Variants in ANK2 observed in about 807,000 individuals in gnomAD.
ANK2 encodes the protein ankyrin 2, also known as ankyrin-2.
ANK2 carries 83 observed loss-of-function variants against 360.5 expected under a neutral mutation model. The observed-to-expected ratio is 0.23, with a 90% CI of 0.19 to 0.28. ANK2 has a LOEUF of 0.28. Ranked by LOEUF, ANK2 falls within the 10% of genes least tolerant of loss-of-function variation. ANK2 has a pLI of 1.00. For synonymous variants in ANK2, 1,740 were observed against 1,759.5 expected, an observed-to-expected ratio of 0.99 and a Z score of 0.28; for missense variants, 4,201 against 4,795.7, an observed-to-expected ratio of 0.88 and a Z score of 3.66.
upstream of ANK2, among the ~76,000 whole-genome samples, chr4:112,814,360 G>A (rs1244156346): frequency 2.6e-5 from 4 of 152,140 alleles, no homozygotes; most frequent in Non-Finnish European, 5.9e-5. Context: ...CATCTATATA[G>A]TTTCATTAAA....
At chr4:113,024,377 A>G (rs11935371) in intron 2 of ANK2, among the ~76,000 whole-genome samples, 6,855 of 152,188 alleles carry the variant, frequency 0.045, 473 homozygotes, top group African/African-American at 0.15. Context: ...CCTCATTAAA[A>G]TTTTTCTCTC....
At chr4:113,077,785 C>T (rs769016465) in intron 1 of ANK2, among the ~76,000 whole-genome samples, 1 of 152,216 alleles carries the variant, frequency 6.6e-6, no homozygotes, top group Non-Finnish European at 1.5e-5. Context: ...TCAAAGCCAG[C>T]AGCTGGCCTC....
intron 26 of ANK2, among the ~76,000 whole-genome samples, chr4:113,322,319 C>T (rs1005049583): frequency 1.2e-4 from 18 of 152,180 alleles, no homozygotes; most frequent in Non-Finnish European, 2.5e-4. Context: ...TCAATACACA[C>T]AGCAAATACC....
Position 113,196,661 on chromosome 4 carries a change from G to A in ANK2, c.285+195G>A, listed in dbSNP as rs185228451. ...TCCCAACTCAGCTGCCTGAGTAGCT[G>A]AGACTACAGGCGTGCGCCACCATGC... On this transcript the variant is annotated intron_variant, in intron 3 of 45. Coordinates refer to ENST00000357077, the MANE Select transcript of ANK2 (RefSeq NM_001148.6). Among the ~76,000 whole-genome samples the A allele has an allele frequency of 4.0e-3, 616 of 152,130 alleles. 5 individuals are homozygous for A. Among genetic ancestry groups the A allele is most frequent in the African/African-American group, 0.014 (573 of 41,512 alleles).
chr4:113,372,116 A>C (rs2096759441), intron 43 of ANK2, among the ~76,000 whole-genome samples: 1 of 152,330 alleles, frequency 6.6e-6, no homozygotes, highest in East Asian at 1.9e-4. Context: ...GGATATTCCT[A>C]TACCTTTGGG....
At chr4:113,214,984 A>G (rs1348166108) in intron 4 of ANK2, among the ~76,000 whole-genome samples, 3 of 152,182 alleles carry the variant, frequency 2.0e-5, no homozygotes, top group African/African-American at 4.8e-5. Flanking sequence ...ACTCTCCTGT[A>G]TGTTGTCTGA....
chr4:112,731,105 C>A, the ANK2 span, among the ~76,000 whole-genome samples: 1 of 151,410 alleles, frequency 6.6e-6, no homozygotes, highest in African/African-American at 2.4e-5. Flanking sequence ...TACACCACTG[C>A]ACTCCAGTCT....
intron 1 of ANK2, among the ~76,000 whole-genome samples, chr4:113,169,451 A>G (rs962757982): frequency 1.3e-5 from 2 of 152,234 alleles, no homozygotes; most frequent in African/African-American, 4.8e-5. Flanking sequence ...CAGAGTAGCC[A>G]GGTAAATGAC....
At chr4:113,119,327 G>A (rs530389723) in intron 1 of ANK2, among the ~76,000 whole-genome samples, 1 of 152,166 alleles carries the variant, frequency 6.6e-6, no homozygotes, top group Admixed American at 6.5e-5. Flanking sequence ...TGCTAAAAGA[G>A]TGGGTGTGCT....
intron 2 of ANK2, among the ~76,000 whole-genome samples, chr4:113,185,720 C>T (rs187727240): frequency 1.3e-5 from 2 of 152,224 alleles, no homozygotes; most frequent in Admixed American, 1.3e-4. Flanking sequence ...TTAATTAGAT[C>T]CCATTTGTCA....
chr4:112,712,664 C>T, the ANK2 span, among the ~76,000 whole-genome samples: 1 of 151,882 alleles, frequency 6.6e-6, no homozygotes, highest in African/African-American at 2.4e-5. Flanking sequence ...ACCTTGGCCT[C>T]CCAAAGTGCT....
intron 4 of ANK2, among the ~76,000 whole-genome samples, chr4:113,220,074 G>A (rs999004810): frequency 1.3e-5 from 2 of 152,144 alleles, no homozygotes; most frequent in African/African-American, 4.8e-5. Context: ...TTTCTACAGT[G>A]CCAGTTTATC....
chr4:113,355,134 T>G lies in ANK2; in HGVS notation c.6516T>G (p.Ser2172Arg), dbSNP rs1588946738. 1 of 1,614,104 alleles carries G rather than the reference T, an allele frequency of 6.2e-7. No homozygotes were observed. The highest frequency in any genetic ancestry group is 8.5e-7 in the Non-Finnish European group (1 of 1,179,986). ...AQLHLDQVLT[S>R]PFNTTFPLDY... Reference sequence around the variant, plus strand: ...TTCACTTAGACCAAGTACTCACTAGTCCTTTCAACACAACATTTCCACTCG... The same window carrying G: ...TTCACTTAGACCAAGTACTCACTAGGCCTTTCAACACAACATTTCCACTCG... Residue 2172 changes from serine to arginine, a missense_variant, in exon 38 of 46, where the codon AGT (serine) becomes AGG (arginine). This residue lies in a region of ANK2 where 2,642 missense variants were observed against 2,714.5 expected (regional missense o/e 0.97). Coordinates refer to ENST00000357077, the MANE Select transcript of ANK2 (RefSeq NM_001148.6).
intron 1 of ANK2, among the ~76,000 whole-genome samples, chr4:113,149,887 A>AAAAAG (rs2096980682): frequency 1.3e-5 from 2 of 149,750 alleles, no homozygotes; most frequent in Non-Finnish European, 3.0e-5. Flanking sequence ...AAAAAAAAAA[A>AAAAAG]AAAAAAAAAA....
intron 1 of ANK2, among the ~76,000 whole-genome samples, chr4:112,901,678 T>C (rs2083415102): frequency 6.6e-6 from 1 of 151,814 alleles, no homozygotes; most frequent in Non-Finnish European, 1.5e-5. Context: ...CTGACCAACA[T>C]GGTGAAACCC....
intron 2 of ANK2, among the ~76,000 whole-genome samples, chr4:113,038,377 A>G (rs1039100415): frequency 5.9e-5 from 9 of 151,986 alleles, no homozygotes; most frequent in African/African-American, 2.2e-4. Flanking sequence ...ATTCATTGAT[A>G]ACTGTTTTTT....
In ANK2 at chr4:112,851,598, C is replaced by G. The variant is rs540476430; in HGVS notation, c.-40+33334C>G. On this transcript the variant is annotated intron_variant, in intron 1 of 30. Coordinates refer to the ANK2 transcript ENST00000503271. ...CACCTTCCCTCATGTGCCATAGAGT[C>G]GAATATTAAAGTACAATTACTTTTC... Among the ~76,000 whole-genome samples, 15 of 152,052 alleles carry G rather than the reference C, an allele frequency of 9.9e-5. 1 individual carries two copies. In the South Asian group the frequency reaches 2.9e-3, roughly 30 times the overall value.
At chr4:113,295,269 T>C (rs29321) in intron 22 of ANK2, among the ~76,000 whole-genome samples, 78,244 of 151,992 alleles carry the variant, frequency 0.51, 20,731 homozygotes, top group South Asian at 0.64. Flanking sequence ...TTCAGTGTCA[T>C]GAGAGTAGAG....
At chr4:113,048,211 A>G (rs952135503), upstream of ANK2, among the ~76,000 whole-genome samples, 1 of 134,194 alleles carries the variant, frequency 7.5e-6, no homozygotes, top group African/African-American at 2.8e-5. Flanking sequence ...GTGCATTTGT[A>G]CAAAGTATAT....
Sources: allele counts gnomAD v4.1 joint callset (sites outside exome capture counted in the v4.1 genomes callset), GRCh38; gene constraint gnomAD v4.1.1; regional missense constraint gnomAD v4.1.1; transcripts MANE v1.5; gene names NCBI Gene and HGNC (gene_info 2026-07-23, HGNC 2026-07-21).